Variants in PRPF40B observed in about 807,000 individuals in gnomAD.
PRPF40B encodes pre-mRNA processing factor 40B, also known as pre-mRNA-processing factor 40 homolog B.
PRPF40B carries 56 observed loss-of-function variants against 124.5 expected under a neutral mutation model. That is an observed-to-expected ratio of 0.45 (90% CI 0.36 to 0.56). The LOEUF (loss-of-function observed/expected upper bound fraction) is 0.56. Among genes scored for constraint, PRPF40B ranks in the 20% least tolerant of loss-of-function variants. The pLI is 0.00. For missense variants in PRPF40B, 1,053 were observed against 1,169.5 expected (o/e 0.90, Z 1.45); for synonymous variants, 443 against 426.4 (o/e 1.04, Z -0.48).
At position 49,644,111 on chromosome 12, in the gene PRPF40B, C is replaced by A. The variant is rs1480970957; in HGVS notation, c.2598C>A (p.Asp866Glu). 6.2e-7 allele frequency: 1 copy of A among 1,614,156 alleles called. No individual in the cohort carries two copies. The highest frequency in any genetic ancestry group is 1.7e-5 in the Admixed American group (1 of 60,030). Residue 866 changes from aspartate to glutamate, a missense_variant, in exon 26 of 26, where the codon GAC (aspartate) becomes GAA (glutamate). Asp to Glu is a conservative substitution (Grantham distance 45, BLOSUM62 2). This residue lies in a region of PRPF40B where 895 missense variants were observed against 1,052.2 expected (regional missense o/e 0.85). Coordinates refer to ENST00000548825, the MANE Select transcript of PRPF40B (RefSeq NM_001031698.3). ...CTTTGCTCCAACAGACAGGCTGGGA[C>A]ACGTCAGAAAGTGAGCTGAGTGAGG... ...FGIKKEKTGW[D>E]TSESELSEGE...
At chr12:49,632,536 C>T (rs938993063) in intron 4 of PRPF40B, 60 bp from the exon 5 acceptor site, 1 of 1,579,176 alleles carries the variant, frequency 6.3e-7, no homozygotes, top group African/African-American at 1.4e-5. Flanking sequence ...CCCCCATGGC[C>T]TGGGTCCTGG....
intron 18 of PRPF40B, 140 bp downstream of exon 18, chr12:49,637,964 C>A: frequency 1.5e-6 from 1 of 661,444 alleles, no homozygotes. Flanking sequence ...TTACTGCACA[C>A]TAGGGATACA....
At chr12:49,638,034 G>T (rs1413708867) in intron 18 of PRPF40B, 16 of 558,422 alleles carry the variant, frequency 2.9e-5, no homozygotes, top group Non-Finnish European at 4.5e-5. Flanking sequence ...ATATACATGA[G>T]AACTGTTATA....
At position 49,631,978 on chromosome 12, in the gene PRPF40B, C is replaced by G; in HGVS notation, c.294+53C>G. 4 of 1,547,370 alleles carry G rather than the reference C, an allele frequency of 2.6e-6. No homozygotes were observed. Among genetic ancestry groups the G allele is most frequent in the Non-Finnish European group, 3.6e-6 (4 of 1,119,912 alleles). ...GGCTCTGCCCTGCAGTCCCGTGAGT[C>G]TGACTTGGAATGCAGGACTATGACC... On this transcript the variant is annotated intron_variant, in intron 4 of 25. Coordinates refer to ENST00000548825, the MANE Select transcript of PRPF40B (RefSeq NM_001031698.3). The surrounding 1 kb of genome is among the most constrained non-coding windows in gnomAD (Gnocchi z 4.3).
intron 5 of PRPF40B, 44 bp downstream of exon 5, chr12:49,632,667 G>T: frequency 6.2e-7 from 1 of 1,609,940 alleles, no homozygotes; most frequent in Non-Finnish European, 8.5e-7. Context: ...CGGAGGTTGG[G>T]GGGCATAGGG....
chr12:49,644,103 G>A lies in PRPF40B; in HGVS notation c.2590G>A (p.Gly864Ser). The part of the protein sequence containing the change: ...PGFGIKKEKT[G>S]WDTSESELSE... ...AACTGTGCCTTTGCTCCAACAGACA[G>A]GCTGGGACACGTCAGAAAGTGAGCT... Residue 864 changes from glycine (G) to serine (S), a missense_variant, in exon 26 of 26, where the codon GGC becomes AGC. Gly to Ser is a moderately conservative substitution (Grantham distance 56, BLOSUM62 0). This residue lies in a region of PRPF40B where 895 missense variants were observed against 1,052.2 expected (regional missense o/e 0.85). Coordinates refer to ENST00000548825, the MANE Select transcript of PRPF40B (RefSeq NM_001031698.3). 2 of 1,614,220 alleles carry A rather than the reference G, an allele frequency of 1.2e-6. No homozygotes were observed. The highest frequency in any genetic ancestry group is 1.7e-6 in the Non-Finnish European group (2 of 1,180,048).
intron 4 of PRPF40B, 156 bp from the exon 5 acceptor site, chr12:49,632,440 G>T: frequency 1.3e-6 from 1 of 748,278 alleles, no homozygotes; most frequent in Non-Finnish European, 2.2e-6. Context: ...CCAGAGCTAT[G>T]GCCCTGAAGG....
Position 49,643,377 on chromosome 12 carries a change from C to T in PRPF40B, c.2360C>T (p.Ser787Phe). 1 of 1,570,146 alleles carries T rather than the reference C, an allele frequency of 6.4e-7. No individual in the cohort carries two copies. The change falls in exon 23 of 26, where the codon TCC (serine) becomes TTC (phenylalanine). Residue 787 changes from serine (S) to phenylalanine (F), a missense_variant. Ser to Phe is a radical substitution (Grantham distance 155). Transcript: ENST00000548825. ...GCCCTTGGAGGACGGGGCTCCCCTT[C>T]CTCCCATCTTCTTGGAGCAGGTAAG... ...GAALGGRGSP[S>F]SHLLGADHGL... is the part of the protein sequence containing the mutation.
At chr12:49,637,712 C>T in intron 17 of PRPF40B, 21 bp from the exon 18 acceptor site, 1 of 1,539,298 alleles carries the variant, frequency 6.5e-7, no homozygotes, top group Non-Finnish European at 8.9e-7. Context: ...CCGCCAGGCC[C>T]CCCTCCCTCC....
At chr12:49,623,664 C>T (rs1246154994) in intron 1 of PRPF40B, 71 bp downstream of exon 1, 4 of 1,221,008 alleles carry the variant, frequency 3.3e-6, no homozygotes, top group Non-Finnish European at 4.1e-6. Flanking sequence ...CGGGCCGTGG[C>T]CGATGGGGCG....
At position 49,636,846 on chromosome 12, in the gene PRPF40B, C is replaced by T. The variant is rs114081796; in HGVS notation, c.1557C>T (p.Phe519=). 2.3e-4 allele frequency: 372 copies of T among 1,613,834 alleles called. 2 individuals carry two copies. In the African/African-American group the frequency reaches 4.5e-3, roughly 19 times the overall value. Residue 519 remains phenylalanine (F), a synonymous_variant, in exon 16 of 26, where the codon TTC becomes TTT. Transcript: ENST00000548825. ...AACAACGCAAGAATCGGGAGGCCTT[C>T]CAGGTATCTTTGCTGTCCTTTCTAG... ...RRQQRKNREA[F]QTFLDELHET... is the part of the protein sequence containing the mutation.
Position 49,636,818 on chromosome 12 carries a change from G to A in PRPF40B, c.1529G>A (p.Arg510His), listed in dbSNP as rs148146841. The change falls in exon 16 of 26, where the codon CGC (arginine) becomes CAC (histidine). Residue 510 changes from arginine (R) to histidine (H), a missense_variant. Arg to His is a conservative substitution (Grantham distance 29). Around this residue, in one of 2 missense-constraint regions of PRPF40B, gnomAD observed 895 missense variants for 1,052.2 expected, o/e 0.85. Coordinates refer to ENST00000548825, the MANE Select transcript of PRPF40B (RefSeq NM_001031698.3). ...ERERARLRERRQQRKNREAFQ... is the reference protein window; with the variant it reads ...ERERARLRERHQQRKNREAFQ... Reference sequence around the variant, plus strand: ...GAGCGGGCCCGGCTTCGGGAGCGACGCCAACAACGCAAGAATCGGGAGGCC... The same window carrying A: ...GAGCGGGCCCGGCTTCGGGAGCGACACCAACAACGCAAGAATCGGGAGGCC... The A allele has an allele frequency of 2.0e-5, 33 of 1,614,012 alleles. No homozygotes were observed. Among genetic ancestry groups the A allele is most frequent in the South Asian group, 4.4e-5 (4 of 91,082 alleles).
At chr12:49,637,445 CTA>C (rs773144132) in intron 16 of PRPF40B, 23 bp from the exon 17 acceptor site, 21 of 1,555,982 alleles carry the variant, frequency 1.3e-5, no homozygotes, top group Admixed American at 3.3e-5. Context: ...CTCACTCTCC[CTA>C]TAACTGGCCT....
intron 12 of PRPF40B, 116 bp downstream of exon 12, chr12:49,634,718 A>G: frequency 7.4e-7 from 1 of 1,347,130 alleles, no homozygotes; most frequent in Admixed American, 2.1e-5. Flanking sequence ...GGACAGTGAT[A>G]GATTGGGTTG....
At chr12:49,639,362 A>C (rs561753080) in intron 18 of PRPF40B, 1 of 152,342 alleles carries the variant, frequency 6.6e-6, no homozygotes, top group South Asian at 2.1e-4. Context: ...AAAGTCCAAG[A>C]AGCACTAGAT....
In PRPF40B at chr12:49,633,837, C is replaced by T. The variant is rs753909712; in HGVS notation, c.606-49C>T. On this transcript the variant is annotated intron_variant, in intron 9 of 25. Transcript: ENST00000548825. Reference sequence around the variant, plus strand: ...GAGAAACCAGCCAGCCCCTGAAGTCCTCCATTCTTGCTCTCCTCCTGGACA... The same window carrying T: ...GAGAAACCAGCCAGCCCCTGAAGTCTTCCATTCTTGCTCTCCTCCTGGACA... 6 of 1,610,798 alleles carry T rather than the reference C, an allele frequency of 3.7e-6. No homozygotes were observed. The South Asian group carries it at 5.5e-5, about 15-fold the overall frequency.
intron 1 of PRPF40B, among the ~76,000 whole-genome samples, chr12:49,627,703 G>A (rs1325987124): frequency 6.6e-6 from 1 of 152,142 alleles, no homozygotes; most frequent in African/African-American, 2.4e-5. Context: ...TAAGCAGGGG[G>A]CTAACAGTCT....
At chr12:49,633,615 G>A (rs1565831414) in intron 8 of PRPF40B, 22 bp from the exon 9 acceptor site, 3 of 1,614,254 alleles carry the variant, frequency 1.9e-6, no homozygotes, top group Admixed American at 1.7e-5. Flanking sequence ...GTGACTGACT[G>A]TGTTATCTTT....
chr12:49,642,701 T>A lies in PRPF40B; in HGVS notation c.2118+26T>A. ...GTGAGGCAGGCTTGTCCTCTGGATC[T>A]GCCTCAGGCCCTTGAACTCATTAGA... On this transcript the variant is annotated intron_variant, in intron 21 of 25. Transcript: ENST00000548825. The surrounding 1 kb of genome is among the most constrained non-coding windows in gnomAD (Gnocchi z 5.8). 6.2e-7 allele frequency: 1 copy of A among 1,607,482 alleles called. No homozygotes were observed. The highest frequency in any genetic ancestry group is 8.5e-7 in the Non-Finnish European group (1 of 1,176,496).
Sources: gnomAD v4.1 joint callset for allele counts (sites outside exome capture counted in the v4.1 genomes callset) on GRCh38, gnomAD v4.1.1 for gene constraint, gnomAD v4.1.1 regional missense constraint, Gnocchi (gnomAD v3.1) non-coding constraint, MANE v1.5 for transcripts, NCBI Gene and HGNC (gene_info 2026-07-23, HGNC 2026-07-21) for gene names.